Variants in CACNA1A observed in about 807,000 individuals in gnomAD.
The protein encoded by CACNA1A is calcium voltage-gated channel subunit alpha1 A, also known as voltage-dependent P/Q-type calcium channel subunit alpha-1A.
CACNA1A carries 57 observed loss-of-function variants against 262.4 expected under a neutral mutation model. The ratio of observed to expected loss-of-function variants is 0.22; its 90% confidence interval spans 0.18 to 0.27. The LOEUF (loss-of-function observed/expected upper bound fraction) is 0.27. Among genes scored for constraint, CACNA1A ranks in the 10% least tolerant of loss-of-function variants. CACNA1A has a pLI of 1.00. For synonymous variants in CACNA1A, 1,431 were observed against 1,419.3 expected (o/e 1.01, Z -0.18); for missense variants, 2,526 against 3,562.8 (o/e 0.71, Z 7.41).
At chr19:13,455,625 T>C (rs1162028242) in intron 1 of CACNA1A, among the ~76,000 whole-genome samples, 4 of 152,108 alleles carry the variant, frequency 2.6e-5, no homozygotes, top group East Asian at 3.9e-4. Flanking sequence ...GCATATACCA[T>C]GTTATACAGT....
intron 1 of CACNA1A, among the ~76,000 whole-genome samples, chr19:13,504,771 G>T (rs1015753253): frequency 5.3e-5 from 8 of 152,124 alleles, no homozygotes; most frequent in African/African-American, 1.9e-4. Flanking sequence ...TGGAATCTGG[G>T]TCATGCTTAG....
Position 13,209,335 on chromosome 19 carries a change from C to G in CACNA1A, c.6503G>C (p.Gly2168Ala). Residue 2168 changes from glycine to alanine, a missense_variant, in exon 45 of 47, where the codon GGC (glycine) becomes GCC (alanine). Gly to Ala is a moderately conservative substitution (Grantham distance 60, BLOSUM62 0). Coordinates refer to ENST00000360228, the MANE Select transcript of CACNA1A (RefSeq NM_001127222.2). ...RSHRASERSL[G>A]RYTDVDTGLG... ...ACCTGTGTCCACATCGGTGTAGCGG[C>G]CCAGGGAGCGCTCAGAGGCGCGGTG... is the stretch of plus-strand genomic sequence containing the variant. 1 of 1,394,028 alleles carries G rather than the reference C, an allele frequency of 7.2e-7. No homozygotes were observed. Among genetic ancestry groups the G allele is most frequent in the Admixed American group, 3.3e-5 (1 of 29,998 alleles). 86.4% of individuals were successfully genotyped at this position (1,394,028 alleles called of 1,614,324 possible).
chr19:13,215,010 GTGTTTTT>G, intron 38 of CACNA1A: 1 of 153,236 alleles, frequency 6.5e-6, no homozygotes, highest in Non-Finnish European at 1.4e-5. Flanking sequence ...GTGTGTGTGT[GTGTTTTT>G]TTTTTTTTTT....
rs1486837117 is a variant in CACNA1A at position 13,415,426 on chromosome 19, G to A, written c.539+37450C>T. ...AGGATGTTCCTCCCTTGTCTTCAGA[G>A]CTGAGTGGGTCATAACATTTAGAAC... On this transcript the variant is annotated intron_variant, in intron 3 of 46. Coordinates refer to ENST00000360228, the MANE Select transcript of CACNA1A (RefSeq NM_001127222.2). Among the ~76,000 whole-genome samples the A allele has an allele frequency of 2.6e-5, 4 of 152,106 alleles. No individual in the cohort carries two copies. The East Asian group carries it at 7.7e-4, about 29-fold the overall frequency.
intron 3 of CACNA1A, among the ~76,000 whole-genome samples, chr19:13,409,406 T>C (rs1243323753): frequency 6.6e-6 from 1 of 152,132 alleles, no homozygotes; most frequent in East Asian, 1.9e-4. Context: ...GTTGTGTGTC[T>C]GTGTGATGTC....
chr19:13,427,641 G>T (rs1278910241), intron 3 of CACNA1A, among the ~76,000 whole-genome samples: 1 of 151,996 alleles, frequency 6.6e-6, no homozygotes, highest in Admixed American at 6.6e-5. Flanking sequence ...ATAAAATGTG[G>T]ATCATGAAAA....
chr19:13,435,706 C>G (rs928026823), intron 3 of CACNA1A, among the ~76,000 whole-genome samples: 1 of 152,162 alleles, frequency 6.6e-6, no homozygotes, highest in Admixed American at 6.5e-5. Context: ...ATAACTCCCT[C>G]GGGTCACTCG....
chr19:13,359,481 G>T, intron 6 of CACNA1A, 125 bp downstream of exon 6: 1 of 711,066 alleles, frequency 1.4e-6, no homozygotes, highest in South Asian at 1.8e-5. Flanking sequence ...GTGGGGCTGT[G>T]TTGTCCTTGG....
intron 3 of CACNA1A, among the ~76,000 whole-genome samples, chr19:13,375,377 G>A: frequency 6.6e-6 from 1 of 152,144 alleles, no homozygotes; most frequent in Admixed American, 6.6e-5. Flanking sequence ...ATTGAAATTA[G>A]GTCAGTGTAT....
intron 17 of CACNA1A, among the ~76,000 whole-genome samples, chr19:13,303,265 G>GC (rs2057825204): frequency 6.6e-6 from 1 of 152,110 alleles, no homozygotes; most frequent in African/African-American, 2.4e-5. Flanking sequence ...CTTACTCCCT[G>GC]TAAACGGCCT....
At chr19:13,368,427 G>C (rs1176587110) in intron 4 of CACNA1A, among the ~76,000 whole-genome samples, 9 of 151,638 alleles carry the variant, frequency 5.9e-5, no homozygotes, top group Non-Finnish European at 1.3e-4. Context: ...TGACCTCCTG[G>C]GCACAAGCGA....
rs139083044 is a variant in CACNA1A, at chr19:13,294,633, G to A, written c.3089+3911C>T. 4.8e-3 allele frequency among the ~76,000 whole-genome samples: 734 copies of A among 151,760 alleles called. 38 individuals are homozygous for A. The East Asian group carries it at 0.12, about 24-fold the overall frequency. ...CTCCTGAGTAGCTGGGATTATAGGC[G>A]TCCACCACCACGCCTGGCTAATTTT... On this transcript the variant is annotated intron_variant, in intron 19 of 46. Transcript: ENST00000360228.
intron 3 of CACNA1A, among the ~76,000 whole-genome samples, chr19:13,372,272 G>A (rs1313262313): frequency 6.6e-6 from 1 of 152,042 alleles, no homozygotes; most frequent in East Asian, 1.9e-4. Context: ...GGGTTCAAGG[G>A]ATTCTCCTGC....
chr19:13,394,831 C>G (rs1490108215), intron 3 of CACNA1A, among the ~76,000 whole-genome samples: 1 of 152,150 alleles, frequency 6.6e-6, no homozygotes, highest in Non-Finnish European at 1.5e-5. Context: ...CCCATTCTCC[C>G]CTGGGGCTAG....
At position 13,299,125 on chromosome 19, in the gene CACNA1A, G is replaced by C. The variant is rs760944008; in HGVS notation, c.2508C>G (p.Asn836Lys). 5 of 1,613,100 alleles carry C rather than the reference G, an allele frequency of 3.1e-6. No homozygotes were observed. The Admixed American group carries it at 5.0e-5, about 16-fold the overall frequency. ...CGGTGGGCTCGGCCGCCCGGCTCTTGTTGGTGTTGTTGTTGCGGTTCTCCT... is the reference window on the plus strand; with the variant it reads ...CGGTGGGCTCGGCCGCCCGGCTCTTCTTGGTGTTGTTGTTGCGGTTCTCCT... ...DPQENRNNNT[N>K]KSRAAEPTVD... Residue 836 changes from asparagine (N) to lysine (K), a missense_variant, in exon 19 of 47, where the codon AAC (asparagine) becomes AAG (lysine). Transcript: ENST00000360228.
In CACNA1A at chr19:13,455,061, T is replaced by G. The variant is rs538638426; in HGVS notation, c.399+46A>C. The G allele has an allele frequency of 3.2e-5, 38 of 1,200,130 alleles. No individual in the cohort carries two copies. In the African/African-American group the frequency reaches 5.4e-4, roughly 17 times the overall value. 74.3% of individuals were successfully genotyped at this position (1,200,130 alleles called of 1,614,324 possible). A position where few individuals can be genotyped will look rare whatever the true frequency, so the allele number is the denominator to read the frequency against. ...TGCTCCACTCCCCCAAAAATTAATG[T>G]CCTGCTAAAGCCAAGGAGAAGACCC... On this transcript the variant is annotated intron_variant, in intron 2 of 46. Coordinates refer to ENST00000360228, the MANE Select transcript of CACNA1A (RefSeq NM_001127222.2).
chr19:13,502,300 G>A (rs1476254766), intron 1 of CACNA1A, among the ~76,000 whole-genome samples: 4 of 152,172 alleles, frequency 2.6e-5, no homozygotes, highest in South Asian at 2.1e-4. Context: ...GGAATTCTAC[G>A]TGTAATTCAG....
chr19:13,303,266 T>TTACTCCCTGCTTACTCCTTGG (rs2057825377), intron 17 of CACNA1A, among the ~76,000 whole-genome samples: 1 of 152,176 alleles, frequency 6.6e-6, no homozygotes, highest in African/African-American at 2.4e-5. Context: ...TTACTCCCTG[T>TTACTCCCTGCTTACTCCTTGG]AAACGGCCTT....
At chr19:13,299,938 A>G (rs2057753669) in intron 18 of CACNA1A, among the ~76,000 whole-genome samples, 2 of 152,126 alleles carry the variant, frequency 1.3e-5, no homozygotes, top group South Asian at 4.1e-4. Context: ...GGAGCACGCA[A>G]CCTAGATCCC....
Sources: allele counts gnomAD v4.1 joint callset (sites outside exome capture counted in the v4.1 genomes callset), GRCh38; gene constraint gnomAD v4.1.1; transcripts MANE v1.5; gene names NCBI Gene and HGNC (gene_info 2026-07-23, HGNC 2026-07-21).